The following NT5C2 variants were observed in gnomAD, a reference collection of about 807,000 sequenced individuals.
The protein encoded by NT5C2 is cytosolic purine 5'-nucleotidase.
A neutral mutation model predicts 76.1 loss-of-function variants in NT5C2; 58 were observed. The observed-to-expected ratio is 0.76, with a 90% CI of 0.62 to 0.95. NT5C2 has a LOEUF of 0.95. NT5C2 is among the 40% of genes least tolerant of loss of function. NT5C2 has a pLI of 0.00. For missense variants in NT5C2, 478 were observed against 690.3 expected, an observed-to-expected ratio of 0.69 and a Z score of 3.45; for synonymous variants, 229 against 237.4, an observed-to-expected ratio of 0.96 and a Z score of 0.32.
intron 4 of NT5C2, chr10:103,111,848 A>C: frequency 3.4e-6 from 4 of 1,178,386 alleles, no homozygotes; most frequent in Non-Finnish European, 4.3e-6. Context: ...AAAAACAAAA[A>C]CAAAAGCTGG....
At chr10:103,123,899 A>C (rs2135780580) in intron 4 of NT5C2, among the ~76,000 whole-genome samples, 1 of 152,350 alleles carries the variant, frequency 6.6e-6, no homozygotes, top group East Asian at 1.9e-4. Context: ...CAGTAAGCCA[A>C]GTTAGAAATA....
chr10:103,135,035 CT>C (rs1474157174), intron 4 of NT5C2, among the ~76,000 whole-genome samples: 1 of 152,212 alleles, frequency 6.6e-6, no homozygotes, highest in Non-Finnish European at 1.5e-5. Context: ...AACTAACTTG[CT>C]TTTGATTTTA....
chr10:103,163,852 T>TA (rs1449716275), intron 3 of NT5C2, among the ~76,000 whole-genome samples: 8 of 76,744 alleles, frequency 1.0e-4, no homozygotes, highest in Non-Finnish European at 1.5e-4. Flanking sequence ...CCGTCTCTAC[T>TA]AAAAATACAA....
intron 11 of NT5C2, among the ~76,000 whole-genome samples, chr10:103,096,845 CAAAA>C (rs71019656): frequency 1.3e-4 from 4 of 31,388 alleles, no homozygotes; most frequent in South Asian, 1.5e-3. Context: ...GACTCTGTCT[CAAAA>C]AAAAAAAAAA....
chr10:103,120,951 T>C (rs1353199681), intron 4 of NT5C2, among the ~76,000 whole-genome samples: 3 of 152,208 alleles, frequency 2.0e-5, no homozygotes, highest in Non-Finnish European at 4.4e-5. Flanking sequence ...CAGTAGAATA[T>C]TATTCAGTCT....
chr10:103,110,126 C>CT (rs1468432349), intron 4 of NT5C2, among the ~76,000 whole-genome samples: 1 of 152,118 alleles, frequency 6.6e-6, no homozygotes, highest in African/African-American at 2.4e-5. Context: ...ATTTAGGTCT[C>CT]TTTGAGTCTC....
chr10:103,171,566 T>C (rs891821121), intron 3 of NT5C2, among the ~76,000 whole-genome samples: 9 of 152,214 alleles, frequency 5.9e-5, no homozygotes, highest in African/African-American at 1.7e-4. Flanking sequence ...CCGGCTTTCC[T>C]GGTGTGGGAG....
At position 103,091,624 on chromosome 10, in the gene NT5C2, G is replaced by A. The variant is rs1348576528; in HGVS notation, c.1160-9C>T. 5 of 1,610,852 alleles carry A rather than the reference G, an allele frequency of 3.1e-6. No individual in the cohort carries two copies. Among genetic ancestry groups the A allele is most frequent in the East Asian group, 2.2e-5 (1 of 44,842 alleles). On this transcript the variant is annotated splice_polypyrimidine_tract_variant and intron_variant, in intron 15 of 18. Coordinates refer to ENST00000404739, the MANE Select transcript of NT5C2 (RefSeq NM_001351169.2). ...AAGTTCTTCGAAAAGTGCTAGTTAA[G>A]GTTTGGAAGGAAAAGGAAGACATTT...
At chr10:103,185,999 T>C (rs2091968935) in intron 1 of NT5C2, among the ~76,000 whole-genome samples, 1 of 152,222 alleles carries the variant, frequency 6.6e-6, no homozygotes, top group Non-Finnish European at 1.5e-5. Context: ...AGCAGCATAG[T>C]ACATATTTTA....
At chr10:103,189,518 A>T (rs2092434873) in intron 1 of NT5C2, among the ~76,000 whole-genome samples, 1 of 150,584 alleles carries the variant, frequency 6.6e-6, no homozygotes, top group Non-Finnish European at 1.5e-5. Context: ...AGGCAGGAGA[A>T]TCGCTTGAAC....
At chr10:103,191,382 CA>C (rs768556332) in intron 1 of NT5C2, among the ~76,000 whole-genome samples, 145 of 66,862 alleles carry the variant, frequency 2.2e-3, no homozygotes, top group African/African-American at 3.2e-3. Context: ...AGCTCCGTCT[CA>C]AAAAAAAAAA....
At chr10:103,097,534 T>C (rs1261919011) in intron 10 of NT5C2, among the ~76,000 whole-genome samples, 160 bp from the exon 11 acceptor site, 2 of 152,242 alleles carry the variant, frequency 1.3e-5, no homozygotes, top group Non-Finnish European at 2.9e-5. Context: ...ATTATCACTA[T>C]AAATGAATAA....
chr10:103,141,338 G>A (rs1231258054), intron 3 of NT5C2, among the ~76,000 whole-genome samples: 1 of 152,020 alleles, frequency 6.6e-6, no homozygotes, highest in Non-Finnish European at 1.5e-5. Flanking sequence ...TGCACCTGTG[G>A]TCCCAGCTAC....
chr10:103,105,841 T>TA, intron 5 of NT5C2, 40 bp from the exon 6 acceptor site: 2 of 1,347,250 alleles, frequency 1.5e-6, no homozygotes, highest in Non-Finnish European at 2.1e-6. Flanking sequence ...TGCAAAGTAA[T>TA]ACAGGCAATA....
intron 3 of NT5C2, among the ~76,000 whole-genome samples, chr10:103,166,289 C>T (rs1192419359): frequency 6.6e-6 from 1 of 152,196 alleles, no homozygotes; most frequent in Non-Finnish European, 1.5e-5. Flanking sequence ...CACCATCTCC[C>T]TCCACCCACC....
In NT5C2 at chr10:103,089,596, T is replaced by C; in HGVS notation, c.*76A>G. On this transcript the variant is annotated 3_prime_UTR_variant, in exon 19 of 19. Coordinates refer to ENST00000404739, the MANE Select transcript of NT5C2 (RefSeq NM_001351169.2). ...CCCCTCCCTCCCCCGAGTAGAACCC[T>C]AACAGGGACCTCGTTTGTTCCTGTG... 1 of 1,477,572 alleles carries C rather than the reference T, an allele frequency of 6.8e-7. No individual in the cohort carries two copies. Among genetic ancestry groups the C allele is most frequent in the Non-Finnish European group, 9.0e-7 (1 of 1,113,270 alleles). The allele number at this position is 1,477,572 out of a possible 1,614,324, so 91.5% of individuals were successfully genotyped here. A position where few individuals can be genotyped will look rare whatever the true frequency, so the allele number is the denominator to read the frequency against.
At chr10:103,094,979 C>T (rs577647479) in intron 12 of NT5C2, among the ~76,000 whole-genome samples, 4 of 151,014 alleles carry the variant, frequency 2.6e-5, no homozygotes, top group African/African-American at 7.3e-5. Flanking sequence ...ACATTCTATA[C>T]ATTAAATCAT....
intron 4 of NT5C2, among the ~76,000 whole-genome samples, 167 bp from the exon 5 acceptor site, chr10:103,106,873 G>A (rs2071425190): frequency 6.6e-6 from 1 of 151,980 alleles, no homozygotes; most frequent in Non-Finnish European, 1.5e-5. Context: ...AGTAATTAGA[G>A]AACTCAATTG....
chr10:103,185,090 T>G (rs1344493516), intron 1 of NT5C2, among the ~76,000 whole-genome samples: 6 of 152,194 alleles, frequency 3.9e-5, no homozygotes, highest in Non-Finnish European at 8.8e-5. Flanking sequence ...TTGTTCTACA[T>G]CAACACATTA....
Sources: gnomAD v4.1 joint callset for allele counts (sites outside exome capture counted in the v4.1 genomes callset) on GRCh38, gnomAD v4.1.1 for gene constraint, MANE v1.5 for transcripts, NCBI Gene and HGNC (gene_info 2026-07-23, HGNC 2026-07-21) for gene names.